Variants in OSBPL1A observed in about 807,000 individuals in gnomAD.
OSBPL1A encodes the protein oxysterol binding protein like 1A.
Under a neutral mutation model 137.1 loss-of-function variants are expected in OSBPL1A, and 80 were observed. That is an observed-to-expected ratio of 0.58 (90% CI 0.49 to 0.70). The LOEUF (loss-of-function observed/expected upper bound fraction) is 0.70, where lower values mean the gene tolerates loss of function less well. Ranked by LOEUF, OSBPL1A falls within the 30% of genes least tolerant of loss-of-function variation. OSBPL1A has a pLI of 0.00. For synonymous variants in OSBPL1A, 365 were observed against 389.7 expected, an observed-to-expected ratio of 0.94 and a Z score of 0.75; for missense variants, 970 against 1,129.4, an observed-to-expected ratio of 0.86 and a Z score of 2.02.
chr18:24,294,480 C>T (rs533998155), intron 14 of OSBPL1A, among the ~76,000 whole-genome samples: 5 of 152,146 alleles, frequency 3.3e-5, no homozygotes, highest in East Asian at 1.9e-4. Flanking sequence ...GTGATCCGCC[C>T]GACTCAGCCT....
In OSBPL1A at chr18:24,297,272, T is replaced by G. The variant is rs150635668; in HGVS notation, c.1174+6365A>C. 5.6e-3 allele frequency among the ~76,000 whole-genome samples: 846 copies of G among 152,268 alleles called. 7 individuals are homozygous for G. Among genetic ancestry groups the G allele is most frequent in the African/African-American group, 0.02 (815 of 41,564 alleles). On this transcript the variant is annotated intron_variant, in intron 14 of 27. Coordinates refer to ENST00000319481, the MANE Select transcript of OSBPL1A (RefSeq NM_080597.4). ...TCTATTTCCTCTTAATTTTTTAGTT[T>G]GTGCATGTAAAGGTTTTCATAATAG...
At chr18:24,252,513 C>T (rs936965549) in intron 15 of OSBPL1A, among the ~76,000 whole-genome samples, 5 of 40,440 alleles carry the variant, frequency 1.2e-4, no homozygotes, top group Admixed American at 4.2e-4. Context: ...TAAAGGCCTT[C>T]CCAGGAAAAA....
intron 4 of OSBPL1A, 35 bp from the exon 5 acceptor site, chr18:24,341,693 CTAAGA>C: frequency 6.8e-7 from 1 of 1,472,242 alleles, no homozygotes; most frequent in East Asian, 2.3e-5. Context: ...AACTATTAAG[CTAAGA>C]TTTTATTGCA....
intron 2 of OSBPL1A, 35 bp from the exon 3 acceptor site, chr18:24,368,407 A>G: frequency 6.7e-7 from 1 of 1,486,044 alleles, no homozygotes; most frequent in Non-Finnish European, 9.4e-7. Context: ...TTTTTAGGTC[A>G]TATTTAGGTA....
chr18:24,268,430 C>T (rs961382121), intron 15 of OSBPL1A, among the ~76,000 whole-genome samples: 1 of 152,104 alleles, frequency 6.6e-6, no homozygotes, highest in Non-Finnish European at 1.5e-5. Flanking sequence ...CTATATGAAG[C>T]TTCTAAAACT....
intron 14 of OSBPL1A, among the ~76,000 whole-genome samples, chr18:24,289,867 T>A (rs925251384): frequency 6.6e-6 from 1 of 152,176 alleles, no homozygotes; most frequent in Admixed American, 6.5e-5. Flanking sequence ...AATAGTTGTA[T>A]ATACTGCATA....
chr18:24,246,533 G>A (rs2088892377), intron 15 of OSBPL1A, among the ~76,000 whole-genome samples: 1 of 152,090 alleles, frequency 6.6e-6, no homozygotes, highest in South Asian at 2.1e-4. Context: ...GCTCATACCT[G>A]TAATCCCAGC....
At chr18:24,164,946 G>A (rs941298507) in intron 27 of OSBPL1A, 119 bp downstream of exon 27, 10 of 963,770 alleles carry the variant, frequency 1.0e-5, no homozygotes, top group Admixed American at 9.1e-5. Context: ...GGGACAACTC[G>A]GCAGGGTTTG....
At chr18:24,218,338 G>C (rs539740149) in intron 17 of OSBPL1A, 1 of 152,328 alleles carries the variant, frequency 6.6e-6, no homozygotes, top group Non-Finnish European at 1.5e-5. Context: ...ACATTGAAAT[G>C]ATACGAAGAT....
intron 16 of OSBPL1A, among the ~76,000 whole-genome samples, chr18:24,225,476 G>A (rs751455218): frequency 6.6e-6 from 1 of 152,120 alleles, no homozygotes; most frequent in Non-Finnish European, 1.5e-5. Context: ...AGTTCTTTAC[G>A]AAATCATATT....
chr18:24,394,715 AT>A (rs1907609781), intron 1 of OSBPL1A, among the ~76,000 whole-genome samples: 1 of 152,248 alleles, frequency 6.6e-6, no homozygotes, highest in South Asian at 2.1e-4. Flanking sequence ...AATACTGACC[AT>A]TTATGCATCA....
chr18:24,298,808 T>C (rs1035166465), intron 14 of OSBPL1A, among the ~76,000 whole-genome samples: 2 of 152,232 alleles, frequency 1.3e-5, no homozygotes, highest in Admixed American at 1.3e-4. Context: ...TTGATCTGCC[T>C]AGTGCTGTCA....
chr18:24,381,894 G>C (rs1906610670), intron 1 of OSBPL1A, among the ~76,000 whole-genome samples: 1 of 151,936 alleles, frequency 6.6e-6, no homozygotes, highest in African/African-American at 2.4e-5. Context: ...CCGGGAGGCA[G>C]AGGTTGCAGT....
chr18:24,283,749 G>A (rs1186563185), intron 14 of OSBPL1A, among the ~76,000 whole-genome samples: 1 of 152,092 alleles, frequency 6.6e-6, no homozygotes, highest in East Asian at 1.9e-4. Context: ...GAAGATAGAA[G>A]CATAACCATT....
At chr18:24,180,330 A>G (rs917130260) in intron 19 of OSBPL1A, among the ~76,000 whole-genome samples, 8 of 152,222 alleles carry the variant, frequency 5.3e-5, no homozygotes, top group African/African-American at 1.9e-4. Context: ...ACCTCTAACT[A>G]GTCCATCCAT....
rs563016296 is a variant in OSBPL1A at position 24,188,837 on chromosome 18, T to A, written c.1677+7288A>T. Among the ~76,000 whole-genome samples, 5 of 152,326 alleles carry A rather than the reference T, an allele frequency of 3.3e-5. No individual in the cohort carries two copies. The South Asian group carries it at 1.0e-3, about 32-fold the overall frequency. Reference sequence around the variant, plus strand: ...TGACACAAGGTGTATTTTATTTCCTTCCCTCTTAGACCTCTTGAAAATTCA... The same window carrying A: ...TGACACAAGGTGTATTTTATTTCCTACCCTCTTAGACCTCTTGAAAATTCA... On this transcript the variant is annotated intron_variant, in intron 18 of 27. Coordinates refer to ENST00000319481, the MANE Select transcript of OSBPL1A (RefSeq NM_080597.4).
chr18:24,337,570 C>CAA (rs1225881914), intron 5 of OSBPL1A, among the ~76,000 whole-genome samples: 1,037 of 84,430 alleles, frequency 0.012, 17 homozygotes, highest in African/African-American at 0.037. Flanking sequence ...AACTCTGTCT[C>CAA]AAAAAAAAAA....
At chr18:24,171,585 G>T in intron 22 of OSBPL1A, 87 bp from the exon 23 acceptor site, 2 of 1,024,708 alleles carry the variant, frequency 2.0e-6, no homozygotes, top group Non-Finnish European at 3.0e-6. Flanking sequence ...TCTAGCAGCA[G>T]CTACTGTTTA....
At chr18:24,189,661 C>A (rs868630294) in intron 18 of OSBPL1A, among the ~76,000 whole-genome samples, 3 of 152,316 alleles carry the variant, frequency 2.0e-5, no homozygotes, top group South Asian at 2.1e-4. Flanking sequence ...CAGTTCCCCC[C>A]GCTCCACACG....
Sources: gnomAD v4.1 joint callset for allele counts (sites outside exome capture counted in the v4.1 genomes callset) on GRCh38, gnomAD v4.1.1 for gene constraint, MANE v1.5 for transcripts, NCBI Gene and HGNC (gene_info 2026-07-23, HGNC 2026-07-21) for gene names.